DBP: variants seen among roughly 807,000 people sequenced by gnomAD.
The protein encoded by DBP is D-box binding PAR bZIP transcription factor.
In DBP, 12 loss-of-function variants were observed where a neutral mutation model predicts 21.4. The ratio of observed to expected loss-of-function variants is 0.56; its 90% CI spans 0.36 to 0.91. DBP has a LOEUF of 0.91. Among genes scored for constraint, DBP ranks in the 40% least tolerant of loss-of-function variants. The pLI is 0.01. For missense variants in DBP, 423 were observed against 473.4 expected, an observed-to-expected ratio of 0.89 and a Z score of 0.99; for synonymous variants, 213 against 224.9, an observed-to-expected ratio of 0.95 and a Z score of 0.47.
At chr19:48,636,588 G>A (rs1168635039) in intron 1 of DBP, among the ~76,000 whole-genome samples, 1 of 152,116 alleles carries the variant, frequency 6.6e-6, no homozygotes, top group African/African-American at 2.4e-5. Context: ...GGAAGAGGAG[G>A]CTGGGGCCTA....
rs754015083 is a variant in DBP, at chr19:48,633,630, G to A, written c.576C>T (p.Ser192=). 75 of 1,613,986 alleles carry A rather than the reference G, an allele frequency of 4.6e-5. No individual in the cohort carries two copies. Among genetic ancestry groups the A allele is most frequent in the Non-Finnish European group, 4.3e-5 (51 of 1,180,034 alleles). Residue 192 remains serine, a synonymous_variant, in exon 3 of 4, where the codon AGC becomes AGT. Transcript: ENST00000222122. ...RAGLTSRDTP[S]PVDPDTVEVL... is the part of the protein sequence containing the mutation. ...CCTCCACGGTGTCTGGGTCCACAGG[G>A]CTGGGTGTGTCCCGAGAGGTCAGGC... is the stretch of plus-strand genomic sequence containing the variant.
intron 1 of DBP, among the ~76,000 whole-genome samples, chr19:48,636,600 A>G (rs1193371354): frequency 1.3e-5 from 2 of 151,646 alleles, no homozygotes; most frequent in African/African-American, 4.9e-5. Flanking sequence ...TGGGGCCTAC[A>G]CTCTTGTGAA....
intron 3 of DBP, 139 bp from the exon 4 acceptor site, chr19:48,631,191 G>A (rs2030571280): frequency 1.4e-6 from 1 of 703,150 alleles, no homozygotes; most frequent in Non-Finnish European, 2.3e-6. Context: ...CCTTTCTAGG[G>A]CCCTGGTTGC....
At chr19:48,633,273 C>G in intron 3 of DBP, 171 bp downstream of exon 3, 1 of 725,238 alleles carries the variant, frequency 1.4e-6, no homozygotes. Context: ...ACCTCAGGCC[C>G]CTGCCCCCTT....
chr19:48,630,249 CG>C lies in DBP; in HGVS notation c.*587del. The C allele has an allele frequency of 7.8e-7, 1 of 1,276,306 alleles. No individual in the cohort carries two copies. Among genetic ancestry groups the C allele is most frequent in the Non-Finnish European group, 9.9e-7 (1 of 1,011,718 alleles). The allele number at this position is 1,276,306 out of a possible 1,614,324, so 79.1% of individuals were successfully genotyped here. A position where few individuals can be genotyped will look rare whatever the true frequency, so the allele number is the denominator to read the frequency against. On this transcript the variant is annotated 3_prime_UTR_variant, in exon 4 of 4. Transcript: ENST00000222122. This position sits in a 1 kb window ranked among gnomAD's most constrained non-coding sequence, Gnocchi z 4.9. ...ATCAGCCCAGGAGGGGCAGGTTCCCCGGGGCCGGCGCTAGGATTTGCACTAA... is the reference window on the plus strand; with the variant it reads ...ATCAGCCCAGGAGGGGCAGGTTCCCCGGGCCGGCGCTAGGATTTGCACTAA...
intron 2 of DBP, 136 bp downstream of exon 2, chr19:48,635,444 G>A (rs1051859819): frequency 2.7e-6 from 4 of 1,475,948 alleles, no homozygotes; most frequent in Non-Finnish European, 3.6e-6. Context: ...CCCCTCCCAC[G>A]ACACCTCTCG....
At position 48,630,063 on chromosome 19, in the gene DBP, C is replaced by G. The variant is rs745372750; in HGVS notation, c.*774G>C. 6.6e-4 allele frequency: 852 copies of G among 1,288,060 alleles called. No homozygotes were observed. The highest frequency in any genetic ancestry group is 8.1e-4 in the Non-Finnish European group (826 of 1,018,452). The allele number at this position is 1,288,060 out of a possible 1,614,324, so 79.8% of individuals were successfully genotyped here. On this transcript the variant is annotated 3_prime_UTR_variant, in exon 4 of 4. Coordinates refer to ENST00000222122, the MANE Select transcript of DBP (RefSeq NM_001352.5). This position sits in a 1 kb window ranked among gnomAD's most constrained non-coding sequence, Gnocchi z 4.9. Reference sequence around the variant, plus strand: ...CAGGGCTCAGTCCTGACGCTTGCCACCTGCTCCTACCCGGCCAGGATGGCT... The same window carrying G: ...CAGGGCTCAGTCCTGACGCTTGCCAGCTGCTCCTACCCGGCCAGGATGGCT...
chr19:48,635,507 C>G (rs1420845500), intron 2 of DBP, 73 bp downstream of exon 2: 2 of 1,476,812 alleles, frequency 1.4e-6, no homozygotes, highest in Admixed American at 2.1e-5. Context: ...TCCCAGCCCC[C>G]AGCGTCGCAC....
At chr19:48,632,617 C>T (rs1232010356) in intron 3 of DBP, 1 of 152,238 alleles carries the variant, frequency 6.6e-6, no homozygotes, top group Non-Finnish European at 1.5e-5. Flanking sequence ...CTAGGGAAGA[C>T]TCCAGTAATG....
chr19:48,635,726 G>T lies in DBP; in HGVS notation c.404C>A (p.Pro135His). Residue 135 changes from proline to histidine, a missense_variant, in exon 2 of 4, where the codon CCC becomes CAC. Around this residue, in one of 4 missense-constraint regions of DBP, gnomAD observed 283 missense variants for 273.7 expected, o/e 1.03. Transcript: ENST00000222122. ...CGACGGCTCCGGCGACGGGCCACCG[G>T]GGGGCGGCGGGCTGGGCGGGAGCCC... ...EHGLPPSPPP[P>H]GGPSPEPSPA... The T allele has an allele frequency of 7.4e-7, 1 of 1,349,752 alleles. No homozygotes were observed. Among genetic ancestry groups the T allele is most frequent in the Non-Finnish European group, 9.5e-7 (1 of 1,058,136 alleles). 83.6% of individuals were successfully genotyped at this position (1,349,752 alleles called of 1,614,324 possible).
intron 3 of DBP, chr19:48,631,786 G>T (rs28540190): frequency 0.16 from 23,704 of 152,070 alleles, 3,531 homozygotes; most frequent in African/African-American, 0.38. Context: ...CAAGGACCAC[G>T]GGGCTCAGAA....
chr19:48,633,942 G>C (rs2030688978), intron 2 of DBP: 2 of 425,286 alleles, frequency 4.7e-6, no homozygotes, highest in Non-Finnish European at 8.7e-6. Context: ...TTTACTAAAA[G>C]TACGAAAATT....
rs770267761 is a variant in DBP, at chr19:48,631,082, G to T, written c.763-30C>A. On this transcript the variant is annotated intron_variant, in intron 3 of 3. Transcript: ENST00000222122. ...AGGAGAAGAGGGGGAGAGCACTGAGGTCCAGAGGGACCCAGGTCCCAGCGA... is the reference window on the plus strand; with the variant it reads ...AGGAGAAGAGGGGGAGAGCACTGAGTTCCAGAGGGACCCAGGTCCCAGCGA... 1.9e-6 allele frequency: 3 copies of T among 1,591,384 alleles called. No homozygotes were observed. The Admixed American group carries it at 5.1e-5, about 27-fold the overall frequency.
Position 48,630,180 on chromosome 19 carries a change from G to A in DBP, c.*657C>T, listed in dbSNP as rs2030486019. 1 of 1,245,928 alleles carries A rather than the reference G, an allele frequency of 8.0e-7. No individual in the cohort carries two copies. Among genetic ancestry groups the A allele is most frequent in the East Asian group, 3.2e-5 (1 of 30,786 alleles). The allele number at this position is 1,245,928 out of a possible 1,614,324, so 77.2% of individuals were successfully genotyped here. On this transcript the variant is annotated 3_prime_UTR_variant, in exon 4 of 4. Transcript: ENST00000222122. The surrounding 1 kb of genome is among the most constrained non-coding windows in gnomAD (Gnocchi z 4.9). Reference sequence around the variant, plus strand: ...TCAGTGAGTCGGCCGGTCAGGGCCCGCAGCCTCGCCCCATCCACTCCGGTG... The same window carrying A: ...TCAGTGAGTCGGCCGGTCAGGGCCCACAGCCTCGCCCCATCCACTCCGGTG...
Position 48,630,464 on chromosome 19 carries a change from C to T in DBP, c.*373G>A. The T allele has an allele frequency of 6.8e-7, 1 of 1,470,560 alleles. No individual in the cohort carries two copies. 91.1% of individuals were successfully genotyped at this position (1,470,560 alleles called of 1,614,324 possible). A position where few individuals can be genotyped will look rare whatever the true frequency, so the allele number is the denominator to read the frequency against. Reference sequence around the variant, plus strand: ...GGGAGGACTCAGACTCCAGCACTTCCAGCAGCGCCTGCCCTCTATGGACGA... The same window carrying T: ...GGGAGGACTCAGACTCCAGCACTTCTAGCAGCGCCTGCCCTCTATGGACGA... On this transcript the variant is annotated 3_prime_UTR_variant, in exon 4 of 4. Transcript: ENST00000222122. This position sits in a 1 kb window ranked among gnomAD's most constrained non-coding sequence, Gnocchi z 4.9.
intron 3 of DBP, 141 bp downstream of exon 3, chr19:48,633,303 G>GACTA: frequency 2.3e-6 from 2 of 887,742 alleles, no homozygotes; most frequent in Non-Finnish European, 3.7e-6. Flanking sequence ...GGCCAAGGAG[G>GACTA]ACTAATCTGT....
At position 48,634,645 on chromosome 19, in the gene DBP, C is replaced by G. The variant is rs568359735; in HGVS notation, c.550+935G>C. The G allele has an allele frequency of 5.1e-6, 5 of 977,280 alleles. No homozygotes were observed. The South Asian group carries it at 1.4e-4, about 28-fold the overall frequency. The allele number at this position is 977,280 out of a possible 1,614,324, so 60.5% of individuals were successfully genotyped here. On this transcript the variant is annotated intron_variant, in intron 2 of 3. Coordinates refer to ENST00000222122, the MANE Select transcript of DBP (RefSeq NM_001352.5). ...CCTCACGTTCCCCCGGCCCCGCCCC[C>G]CTCGCGCTTGAAGGCGCCTGCGCGA... is the stretch of plus-strand genomic sequence containing the variant.
In DBP at chr19:48,636,937, C is replaced by T. The variant is rs1013217386; in HGVS notation, c.58G>A (p.Gly20Arg). 6 of 1,574,792 alleles carry T rather than the reference C, an allele frequency of 3.8e-6. No homozygotes were observed. The highest frequency in any genetic ancestry group is 4.3e-6 in the Non-Finnish European group (5 of 1,161,566). The change falls in exon 1 of 4, where the codon GGG becomes AGG. Residue 20 changes from glycine (G) to arginine (R), a missense_variant. Transcript: ENST00000222122. ...PAPLLLGGPA[G>R]TPPGGGALLG... ...AGCGCTCCCCCGCCAGGGGGTGTCC[C>T]GGCCGGGCCGCCCAGCAGCAGAGGG... is the stretch of plus-strand genomic sequence containing the variant.
chr19:48,635,970 G>C lies in DBP; in HGVS notation c.160C>G (p.Arg54Gly), dbSNP rs770650040. The change falls in exon 2 of 4, where the codon CGC becomes GGC. Residue 54 changes from arginine (R) to glycine (G), a missense_variant. Physicochemically the swap from Arg to Gly is moderately radical, Grantham distance 125. Around this residue, in one of 4 missense-constraint regions of DBP, gnomAD observed 283 missense variants for 273.7 expected, o/e 1.03. Coordinates refer to ENST00000222122, the MANE Select transcript of DBP (RefSeq NM_001352.5). ...PASCLLKEKERKAALPAATTP... is the reference protein window; with the variant it reads ...PASCLLKEKEGKAALPAATTP... ...GTGGCTGCAGGCAGGGCCGCCTTGC[G>C]CTCCTTTTCCTTCAGGAGACCTGCG... 15 of 1,522,190 alleles carry C rather than the reference G, an allele frequency of 9.9e-6. No homozygotes were observed. Among genetic ancestry groups the C allele is most frequent in the African/African-American group, 7.0e-5 (5 of 70,944 alleles). The allele number at this position is 1,522,190 out of a possible 1,614,324, so 94.3% of individuals were successfully genotyped here.
Sources: gnomAD v4.1 joint callset for allele counts (sites outside exome capture counted in the v4.1 genomes callset) on GRCh38, gnomAD v4.1.1 for gene constraint, gnomAD v4.1.1 regional missense constraint, Gnocchi (gnomAD v3.1) non-coding constraint, MANE v1.5 for transcripts, NCBI Gene and HGNC (gene_info 2026-07-23, HGNC 2026-07-21) for gene names.